The following WDR35 variants were observed in gnomAD, a reference collection of about 807,000 sequenced individuals.
The protein encoded by WDR35 is WD repeat-containing protein 35.
WDR35 carries 118 observed loss-of-function variants against 158.3 expected under a neutral mutation model. The ratio of observed to expected loss-of-function variants is 0.75; its 90% CI spans 0.64 to 0.87. The LOEUF is 0.87. Among genes scored for constraint, WDR35 ranks in the 40% least tolerant of loss-of-function variants. The pLI is 0.00. For synonymous variants in WDR35, 448 were observed against 476.1 expected (o/e 0.94, Z 0.77); for missense variants, 1,263 against 1,405.8 (o/e 0.90, Z 1.62).
chr2:19,913,776 A>G, intron 26 of WDR35, 68 bp from the exon 27 acceptor site: 2 of 1,587,442 alleles, frequency 1.3e-6, no homozygotes, highest in Non-Finnish European at 1.7e-6. Context: ...TATTTAATAC[A>G]CTTAAAAAAA....
At chr2:19,988,665 G>T (rs927055435) in intron 2 of WDR35, among the ~76,000 whole-genome samples, 1 of 152,180 alleles carries the variant, frequency 6.6e-6, no homozygotes, top group African/African-American at 2.4e-5. Context: ...GCTGTTTGCT[G>T]TGATTCCAGA....
chr2:19,974,694 T>G, intron 6 of WDR35, 61 bp from the exon 7 acceptor site: 2 of 1,478,106 alleles, frequency 1.4e-6, no homozygotes, highest in Non-Finnish European at 1.9e-6. Context: ...ATAGAGACAA[T>G]ACTCAATAGA....
At chr2:19,928,320 A>G (rs1170022531) in intron 25 of WDR35, among the ~76,000 whole-genome samples, 2 of 152,222 alleles carry the variant, frequency 1.3e-5, no homozygotes, top group African/African-American at 4.8e-5. Context: ...TTAATCGAAT[A>G]TCTATAGAAA....
chr2:19,961,123 T>A (rs535132554), intron 10 of WDR35, among the ~76,000 whole-genome samples: 173 of 152,178 alleles, frequency 1.1e-3, no homozygotes, highest in Non-Finnish European at 2.1e-3. Flanking sequence ...AGAAAAAACA[T>A]CAAATTTATG....
chr2:19,930,231 A>G, intron 25 of WDR35, among the ~76,000 whole-genome samples, 165 bp downstream of exon 25: 1 of 151,940 alleles, frequency 6.6e-6, no homozygotes, highest in Non-Finnish European at 1.5e-5. Context: ...TCTCTGTATT[A>G]AAAAAAACTT....
At chr2:19,969,345 G>C in intron 9 of WDR35, 135 bp downstream of exon 9, 1 of 917,510 alleles carries the variant, frequency 1.1e-6, no homozygotes, top group Non-Finnish European at 1.6e-6. Context: ...AAGTTTACTA[G>C]TTCTAAAATC....
chr2:19,952,601 G>A (rs1671273574), intron 12 of WDR35, among the ~76,000 whole-genome samples: 1 of 152,000 alleles, frequency 6.6e-6, no homozygotes, highest in Non-Finnish European at 1.5e-5. Flanking sequence ...CAAGATTGCA[G>A]GCCTCTGCTT....
intron 1 of WDR35, among the ~76,000 whole-genome samples, chr2:19,989,772 T>C (rs1363013653): frequency 6.6e-6 from 1 of 152,130 alleles, no homozygotes; most frequent in Non-Finnish European, 1.5e-5. Flanking sequence ...GGGGCAGGAA[T>C]GGGAGAGTGC....
At chr2:19,958,632 A>G (rs1671527869) in intron 11 of WDR35, among the ~76,000 whole-genome samples, 1 of 152,234 alleles carries the variant, frequency 6.6e-6, no homozygotes, top group African/African-American at 2.4e-5. Flanking sequence ...CATGCATTCA[A>G]TAAACATTTA....
chr2:19,938,529 G>C, intron 17 of WDR35, 128 bp from the exon 18 acceptor site: 3 of 1,231,458 alleles, frequency 2.4e-6, no homozygotes, highest in Non-Finnish European at 3.3e-6. Flanking sequence ...AGCAAAATAA[G>C]GAAGAGAAAT....
chr2:19,913,721 G>T lies in WDR35; in HGVS notation c.3363-13C>A, dbSNP rs761295787. 1 of 1,613,872 alleles carries T rather than the reference G, an allele frequency of 6.2e-7. No homozygotes were observed. ...TTTCCCTTCTCCACTGTAAAACGGG[G>T]AGAAACAATTCATTATACTTTAAAA... On this transcript the variant is annotated splice_polypyrimidine_tract_variant and intron_variant, in intron 26 of 26. Coordinates refer to ENST00000281405, the MANE Select transcript of WDR35 (RefSeq NM_020779.4).
At chr2:19,968,036 T>C (rs1173951191) in intron 9 of WDR35, among the ~76,000 whole-genome samples, 1 of 152,220 alleles carries the variant, frequency 6.6e-6, no homozygotes, top group African/African-American at 2.4e-5. Context: ...TTGCTTTTCA[T>C]GACCTCAACA....
chr2:19,958,537 A>G (rs550192038), intron 11 of WDR35, among the ~76,000 whole-genome samples: 1 of 152,370 alleles, frequency 6.6e-6, no homozygotes, highest in East Asian at 1.9e-4. Flanking sequence ...CCAGTACAGT[A>G]CCTGAAACAG....
chr2:19,959,625 A>C (rs1049014851), intron 11 of WDR35, among the ~76,000 whole-genome samples: 1 of 151,964 alleles, frequency 6.6e-6, no homozygotes, highest in African/African-American at 2.4e-5. Context: ...TGAGGTCATT[A>C]TTTCTCATAT....
chr2:19,957,545 A>C (rs1464192695), intron 11 of WDR35, among the ~76,000 whole-genome samples: 2 of 149,322 alleles, frequency 1.3e-5, no homozygotes, highest in Non-Finnish European at 3.0e-5. Flanking sequence ...AATATCTAGA[A>C]AGGTTATTGG....
At chr2:19,944,002 A>C (rs939642183) in intron 16 of WDR35, among the ~76,000 whole-genome samples, 1 of 152,056 alleles carries the variant, frequency 6.6e-6, no homozygotes, top group Non-Finnish European at 1.5e-5. Context: ...AATAATATAG[A>C]ATATTATGTC....
rs546808274 is a variant in WDR35 at position 19,978,681 on chromosome 2, C to T, written c.436+70G>A. On this transcript the variant is annotated intron_variant, in intron 5 of 26. Coordinates refer to ENST00000281405, the MANE Select transcript of WDR35 (RefSeq NM_020779.4). Reference sequence around the variant, plus strand: ...CAGAATGCTAACATATGGTAACTAACTTAAATCTCTAAAGAAGAAAACTGT... The same window carrying T: ...CAGAATGCTAACATATGGTAACTAATTTAAATCTCTAAAGAAGAAAACTGT... 9 of 1,606,792 alleles carry T rather than the reference C, an allele frequency of 5.6e-6. No homozygotes were observed. The African/African-American group carries it at 9.4e-5, about 17-fold the overall frequency.
At chr2:19,988,725 T>G (rs553761390) in intron 2 of WDR35, among the ~76,000 whole-genome samples, 1 of 152,300 alleles carries the variant, frequency 6.6e-6, no homozygotes, top group Non-Finnish European at 1.5e-5. Flanking sequence ...GACCTACTAA[T>G]AGAAATGTAA....
rs768532323 is a variant in WDR35, at chr2:19,936,272, G to A, written c.2361C>T (p.Leu787=). Residue 787 remains leucine, a synonymous_variant, in exon 20 of 27, where the codon CTC becomes CTT. Coordinates refer to ENST00000281405, the MANE Select transcript of WDR35 (RefSeq NM_020779.4). The part of the protein sequence containing the change: ...KTGSGDADDS[L]LEQANNAIGD... The stretch of plus-strand genomic sequence containing the variant: ...CAATGGCATTGTTGGCTTGTTCCAG[G>A]AGACTGTCATCTGCATCACCAGATC... The A allele has an allele frequency of 2.5e-6, 4 of 1,613,932 alleles. No homozygotes were observed. In the African/African-American group the frequency reaches 5.3e-5, roughly 22 times the overall value.
Sources: gnomAD v4.1 joint callset for allele counts (sites outside exome capture counted in the v4.1 genomes callset) on GRCh38, gnomAD v4.1.1 for gene constraint, MANE v1.5 for transcripts, NCBI Gene and HGNC (gene_info 2026-07-23, HGNC 2026-07-21) for gene names.